The following CTNNA3 variants were observed in gnomAD, a reference collection of about 807,000 sequenced individuals.
CTNNA3 encodes the protein catenin alpha 3.
CTNNA3 carries 76 observed loss-of-function variants against 95.7 expected under a neutral mutation model. The ratio of observed to expected loss-of-function variants is 0.79; its 90% CI spans 0.66 to 0.96. The LOEUF is 0.96. Ranked by LOEUF, CTNNA3 falls within the 40% of genes least tolerant of loss-of-function variation. The pLI is 0.00. For missense variants in CTNNA3, 1,191 were observed against 1,089.8 expected, an observed-to-expected ratio of 1.09 and a Z score of -1.31; for synonymous variants, 431 against 374.4, an observed-to-expected ratio of 1.15 and a Z score of -1.74.
At chr10:66,363,171 A>T (rs185547046) in intron 12 of CTNNA3, among the ~76,000 whole-genome samples, 198 of 152,326 alleles carry the variant, frequency 1.3e-3, no homozygotes, top group Non-Finnish European at 1.7e-3. Context: ...TATCATTTGA[A>T]TTGTTAAAAA....
intron 12 of CTNNA3, among the ~76,000 whole-genome samples, chr10:66,315,868 T>C (rs1270186667): frequency 1.3e-5 from 2 of 152,050 alleles, no homozygotes; most frequent in East Asian, 1.9e-4. Context: ...AACAATACTA[T>C]CTTAAGCCAG....
chr10:66,372,153 C>T (rs1452007977), intron 12 of CTNNA3, among the ~76,000 whole-genome samples: 1 of 152,074 alleles, frequency 6.6e-6, no homozygotes, highest in African/African-American at 2.4e-5. Context: ...GTTTTTCTGC[C>T]TAATTTAGCC....
Position 66,824,047 on chromosome 10 carries a change from T to TG in CTNNA3, c.1048-48524_1048-48523insC, listed in dbSNP as rs983028221. 2.2e-3 allele frequency among the ~76,000 whole-genome samples: 6 copies of TG among 2,750 alleles called. No individual in the cohort carries two copies. In the African/African-American group the frequency reaches 0.068, roughly 31 times the overall value. The allele number at this position is 2,750 out of a possible 152,430, so 1.8% of individuals were successfully genotyped here. A position where few individuals can be genotyped will look rare whatever the true frequency, so the allele number is the denominator to read the frequency against. On this transcript the variant is annotated intron_variant, in intron 7 of 17. Coordinates refer to ENST00000433211, the MANE Select transcript of CTNNA3 (RefSeq NM_013266.4). ...AGAACCCTATAAATATGCCATACTCTTTTTTTTTTTTCCTAGAGAGTGGGC... is the reference window on the plus strand; with the variant it reads ...AGAACCCTATAAATATGCCATACTCTGTTTTTTTTTTTCCTAGAGAGTGGGC...
intron 7 of CTNNA3, among the ~76,000 whole-genome samples, chr10:66,917,721 G>A (rs1846570432): frequency 6.6e-6 from 1 of 152,174 alleles, no homozygotes; most frequent in Non-Finnish European, 1.5e-5. Flanking sequence ...AAACACACCA[G>A]TGTATCCAGT....
At chr10:66,643,563 AG>A (rs1845589663) in intron 9 of CTNNA3, among the ~76,000 whole-genome samples, 1 of 152,186 alleles carries the variant, frequency 6.6e-6, no homozygotes, top group Non-Finnish European at 1.5e-5. Context: ...ATAGGTATCT[AG>A]CATAAACATC....
At chr10:67,030,311 C>G (rs7894887) in intron 7 of CTNNA3, among the ~76,000 whole-genome samples, 53,695 of 151,986 alleles carry the variant, frequency 0.35, 11,219 homozygotes, top group East Asian at 0.51. Context: ...CTAAAGCAAT[C>G]TGCATATGCT....
intron 14 of CTNNA3, among the ~76,000 whole-genome samples, chr10:66,097,404 G>A (rs1057248549): frequency 2.0e-5 from 3 of 152,062 alleles, no homozygotes; most frequent in African/African-American, 7.2e-5. Flanking sequence ...CTTCCTATGT[G>A]CCAGAAACCA....
Position 67,219,737 on chromosome 10 carries a change from T to C in CTNNA3, c.713A>G (p.Lys238Arg), listed in dbSNP as rs957428127. ...CTGAATTTCTTCACAAACTGTGTCCTTGCTTGCTTTGAGGGAAGCAACATC... is the reference window on the plus strand; with the variant it reads ...CTGAATTTCTTCACAAACTGTGTCCCTGCTTGCTTTGAGGGAAGCAACATC... ...HSDVASLKAS[K>R]DTVCEEIQNA... The change falls in exon 6 of 18, where the codon AAG (lysine) becomes AGG (arginine). Residue 238 changes from lysine to arginine, a missense_variant. By Grantham distance (26) the Lys-to-Arg change is conservative. Transcript: ENST00000433211. 6.2e-7 allele frequency: 1 copy of C among 1,614,018 alleles called. No homozygotes were observed. The highest frequency in any genetic ancestry group is 1.3e-5 in the African/African-American group (1 of 74,918).
chr10:66,802,431 G>C (rs549756694), intron 7 of CTNNA3, among the ~76,000 whole-genome samples: 15 of 151,730 alleles, frequency 9.9e-5, no homozygotes, highest in African/African-American at 3.6e-4. Context: ...TATCATTACA[G>C]AACTGAATAC....
intron 5 of CTNNA3, among the ~76,000 whole-genome samples, chr10:67,265,730 T>C (rs1024348109): frequency 1.3e-5 from 2 of 152,176 alleles, no homozygotes; most frequent in African/African-American, 4.8e-5. Flanking sequence ...TAAACATCCA[T>C]GTGTTGAGTT....
intron 2 of CTNNA3, among the ~76,000 whole-genome samples, chr10:67,644,718 G>T (rs1166183050): frequency 6.6e-6 from 1 of 151,640 alleles, no homozygotes; most frequent in Non-Finnish European, 1.5e-5. Context: ...ATAGAATTCT[G>T]CTTTATAAGA....
chr10:66,012,379 A>C (rs943154456), intron 15 of CTNNA3, among the ~76,000 whole-genome samples: 2 of 152,198 alleles, frequency 1.3e-5, no homozygotes, highest in African/African-American at 4.8e-5. Flanking sequence ...GTTATGTACT[A>C]ACAGTAAGTG....
intron 10 of CTNNA3, among the ~76,000 whole-genome samples, chr10:66,611,534 G>C (rs1844329923): frequency 6.6e-6 from 1 of 152,042 alleles, no homozygotes; most frequent in South Asian, 2.1e-4. Context: ...TCCACAATTA[G>C]GTTTACTTTT....
chr10:67,703,599 T>C (rs1456229030), intron 1 of CTNNA3, among the ~76,000 whole-genome samples: 1 of 152,152 alleles, frequency 6.6e-6, no homozygotes, highest in African/African-American at 2.4e-5. Context: ...AAACTCTCAA[T>C]AAATTAGGTA....
intron 13 of CTNNA3, among the ~76,000 whole-genome samples, chr10:66,158,287 T>C (rs999367884): frequency 6.6e-6 from 1 of 152,124 alleles, no homozygotes; most frequent in Non-Finnish European, 1.5e-5. Context: ...ATAATTTTTA[T>C]AGTTTCAGGT....
rs540399158 is a variant in CTNNA3 at position 67,285,757 on chromosome 10, T to C, written c.580-65887A>G. On this transcript the variant is annotated intron_variant, in intron 5 of 17. Transcript: ENST00000433211. The stretch of plus-strand genomic sequence containing the variant: ...TAGGAATATGTTTTTATATAATTAA[T>C]GTTTGTTTTTTACAAAGGTTCCTAC... 2.6e-5 allele frequency among the ~76,000 whole-genome samples: 4 copies of C among 152,344 alleles called. 1 individual carries two copies. The East Asian group carries it at 7.7e-4, about 29-fold the overall frequency.
chr10:66,928,549 CT>C, intron 7 of CTNNA3: 4 of 1,106,996 alleles, frequency 3.6e-6, no homozygotes, highest in Admixed American at 2.7e-5. Flanking sequence ...GATGCCCCCC[CT>C]CCCCTTCCCT....
chr10:66,261,766 A>G (rs1463851447), intron 13 of CTNNA3, among the ~76,000 whole-genome samples: 3 of 152,008 alleles, frequency 2.0e-5, no homozygotes, highest in South Asian at 2.1e-4. Flanking sequence ...CGGATCCCCA[A>G]TTCCAGTGAA....
chr10:66,700,584 T>G (rs1219267979), intron 9 of CTNNA3, among the ~76,000 whole-genome samples: 1 of 152,210 alleles, frequency 6.6e-6, no homozygotes, highest in African/African-American at 2.4e-5. Flanking sequence ...AACTTTATTT[T>G]TCTTTCTCAA....
Sources: allele counts gnomAD v4.1 joint callset (sites outside exome capture counted in the v4.1 genomes callset), GRCh38; gene constraint gnomAD v4.1.1; transcripts MANE v1.5; gene names NCBI Gene and HGNC (gene_info 2026-07-23, HGNC 2026-07-21).